The following HS3ST4 variants were observed in gnomAD, a reference collection of about 807,000 sequenced individuals.
The protein encoded by HS3ST4 is heparan sulfate glucosamine 3-O-sulfotransferase 4.
In HS3ST4, 17 loss-of-function variants were observed where a neutral mutation model predicts 29.2. The ratio of observed to expected loss-of-function variants is 0.58; its 90% confidence interval spans 0.40 to 0.87. The LOEUF (loss-of-function observed/expected upper bound fraction) is 0.87. Ranked by LOEUF, HS3ST4 falls within the 40% of genes least tolerant of loss-of-function variation. The pLI, the probability that HS3ST4 is intolerant of heterozygous loss-of-function variation, is 0.00. For missense variants in HS3ST4, 627 were observed against 634.5 expected, an observed-to-expected ratio of 0.99 and a Z score of 0.13; for synonymous variants, 314 against 285.7, an observed-to-expected ratio of 1.10 and a Z score of -1.00.
chr16:26,093,586 A>C (rs9708653), intron 1 of HS3ST4, among the ~76,000 whole-genome samples: 82,151 of 152,034 alleles, frequency 0.54, 22,934 homozygotes, highest in African/African-American at 0.67. Flanking sequence ...AAAGGACATC[A>C]ACACCAAAAC....
intron 1 of HS3ST4, among the ~76,000 whole-genome samples, chr16:25,904,504 G>T (rs1046314654): frequency 2.0e-5 from 3 of 152,248 alleles, no homozygotes; most frequent in African/African-American, 7.2e-5. Context: ...CTCTTCTTTA[G>T]TTTTTATACA....
At chr16:25,888,069 G>T (rs992496778) in intron 1 of HS3ST4, among the ~76,000 whole-genome samples, 1 of 152,146 alleles carries the variant, frequency 6.6e-6, no homozygotes, top group East Asian at 1.9e-4. Flanking sequence ...ATGCCTGTAT[G>T]TTGTTCATGC....
intron 1 of HS3ST4, among the ~76,000 whole-genome samples, chr16:25,768,882 G>GTTC (rs1966837615): frequency 6.6e-6 from 1 of 152,132 alleles, no homozygotes; most frequent in African/African-American, 2.4e-5. Context: ...CCACTCAGCT[G>GTTC]CATTGCACTG....
intron 1 of HS3ST4, among the ~76,000 whole-genome samples, chr16:26,084,995 A>C (rs28603084): frequency 0.15 from 22,723 of 152,098 alleles, 2,757 homozygotes; most frequent in African/African-American, 0.32. Context: ...CCCTGAAGAG[A>C]CTGTGGCTGA....
chr16:25,924,485 C>G (rs1412859502), intron 1 of HS3ST4, among the ~76,000 whole-genome samples: 1 of 152,192 alleles, frequency 6.6e-6, no homozygotes, highest in Non-Finnish European at 1.5e-5. Flanking sequence ...TTCCCACTGT[C>G]TTCAGGGTAG....
At chr16:26,050,618 G>A (rs902672318) in intron 1 of HS3ST4, among the ~76,000 whole-genome samples, 4 of 152,260 alleles carry the variant, frequency 2.6e-5, no homozygotes, top group East Asian at 3.9e-4. Context: ...TCAAAGACTC[G>A]CATGTGATTC....
At chr16:25,885,290 G>A (rs1967937804) in intron 1 of HS3ST4, among the ~76,000 whole-genome samples, 1 of 152,192 alleles carries the variant, frequency 6.6e-6, no homozygotes, top group African/African-American at 2.4e-5. Flanking sequence ...GAATAGCCAT[G>A]TGTAGCCAAA....
chr16:25,813,322 G>A (rs1025507582), intron 1 of HS3ST4, among the ~76,000 whole-genome samples: 1 of 152,124 alleles, frequency 6.6e-6, no homozygotes, highest in African/African-American at 2.4e-5. Context: ...GAGCAACTGG[G>A]CGGAACATTA....
intron 1 of HS3ST4, among the ~76,000 whole-genome samples, chr16:25,910,123 C>T (rs111709001): frequency 0.089 from 13,523 of 152,194 alleles, 877 homozygotes; most frequent in Non-Finnish European, 0.12. Flanking sequence ...TTGATTGTCT[C>T]ATCTGTAAAA....
At chr16:25,871,239 A>G (rs532541125) in intron 1 of HS3ST4, among the ~76,000 whole-genome samples, 1 of 152,296 alleles carries the variant, frequency 6.6e-6, no homozygotes, top group East Asian at 1.9e-4. Flanking sequence ...GGGCAAAGGA[A>G]GGCAGGTTTT....
At chr16:25,738,143 A>G (rs1966623639) in intron 1 of HS3ST4, among the ~76,000 whole-genome samples, 1 of 152,006 alleles carries the variant, frequency 6.6e-6, no homozygotes, top group Admixed American at 6.6e-5. Context: ...TGACCTCATG[A>G]TCTACCCTCC....
Position 26,135,955 on chromosome 16 carries a change from C to T in HS3ST4, c.1078C>T (p.Leu360Phe). 6.2e-7 allele frequency: 1 copy of T among 1,613,986 alleles called. No individual in the cohort carries two copies. The highest frequency in any genetic ancestry group is 8.5e-7 in the Non-Finnish European group (1 of 1,179,890). Residue 360 changes from leucine to phenylalanine, a missense_variant, in exon 2 of 2, where the codon CTC (leucine) becomes TTC (phenylalanine). Transcript: ENST00000331351. ...SQILFVSGER[L>F]IVDPAGEMAK... The stretch of plus-strand genomic sequence containing the variant: ...GATCCTCTTTGTCAGTGGTGAGCGA[C>T]TCATTGTGGACCCCGCCGGGGAAAT...
chr16:25,839,436 C>G, intron 1 of HS3ST4, among the ~76,000 whole-genome samples: 1 of 152,106 alleles, frequency 6.6e-6, no homozygotes, highest in East Asian at 1.9e-4. Context: ...AGAATATTCC[C>G]ATAATTTTCT....
intron 1 of HS3ST4, among the ~76,000 whole-genome samples, chr16:26,093,129 A>G (rs1422690849): frequency 6.6e-6 from 1 of 152,200 alleles, no homozygotes; most frequent in African/African-American, 2.4e-5. Flanking sequence ...AGCAAGGCCT[A>G]CTGCCTCTGG....
chr16:25,973,148 C>G (rs1968913358), intron 1 of HS3ST4, among the ~76,000 whole-genome samples: 1 of 152,098 alleles, frequency 6.6e-6, no homozygotes. Flanking sequence ...CGGGGGAAGG[C>G]AGAGATGCAG....
At chr16:26,107,400 G>A (rs1261163111) in intron 1 of HS3ST4, among the ~76,000 whole-genome samples, 41 of 151,866 alleles carry the variant, frequency 2.7e-4, no homozygotes. Context: ...ATGCACATAT[G>A]TATTTCAATA....
chr16:25,727,339 A>G (rs1352162415), intron 1 of HS3ST4, among the ~76,000 whole-genome samples: 2 of 152,212 alleles, frequency 1.3e-5, no homozygotes, highest in African/African-American at 2.4e-5. Flanking sequence ...ATATGAAGCA[A>G]TCTCCAAGAT....
At chr16:25,928,035 CAAAAAAAAAAA>C (rs767016845) in intron 1 of HS3ST4, among the ~76,000 whole-genome samples, 2 of 50,930 alleles carry the variant, frequency 3.9e-5, no homozygotes, top group Non-Finnish European at 7.7e-5. Flanking sequence ...CCCATCTCGA[CAAAAAAAAAAA>C]AAAAAAAAAA....
At chr16:25,750,445 ATGGACT>A (rs749162498) in intron 1 of HS3ST4, among the ~76,000 whole-genome samples, 2 of 152,236 alleles carry the variant, frequency 1.3e-5, no homozygotes, top group Non-Finnish European at 2.9e-5. Flanking sequence ...GAGAAATGTC[ATGGACT>A]TTGCAGCTAT....
Sources: allele counts gnomAD v4.1 joint callset (sites outside exome capture counted in the v4.1 genomes callset), GRCh38; gene constraint gnomAD v4.1.1; transcripts MANE v1.5; gene names NCBI Gene and HGNC (gene_info 2026-07-23, HGNC 2026-07-21).